ACER2: variants seen among roughly 807,000 people sequenced by gnomAD.
ACER2 encodes the protein alkaline ceramidase 2.
In ACER2, 26 loss-of-function variants were observed where a neutral mutation model predicts 34.7. The ratio of observed to expected loss-of-function variants is 0.75; its 90% CI spans 0.55 to 1.04. The LOEUF is 1.04. Ranked by LOEUF, ACER2 falls within the 50% of genes least tolerant of loss-of-function variation. ACER2 has a pLI of 0.00. For missense variants in ACER2, 352 were observed against 340.8 expected (o/e 1.03, Z -0.26); for synonymous variants, 138 against 132.1 (o/e 1.04, Z -0.31).
At chr9:19,415,906 A>G (rs1307499451) in intron 1 of ACER2, among the ~76,000 whole-genome samples, 1 of 152,130 alleles carries the variant, frequency 6.6e-6, no homozygotes, top group East Asian at 1.9e-4. Context: ...TCTAGGATGA[A>G]AAGGTTTGCA....
At chr9:19,435,535 A>G (rs1344700920) in intron 4 of ACER2, among the ~76,000 whole-genome samples, 11 of 152,344 alleles carry the variant, frequency 7.2e-5, no homozygotes, top group African/African-American at 2.6e-4. Context: ...TTTACAATCT[A>G]TTAGGTAAAG....
At chr9:19,443,637 G>A (rs1161943171) in intron 4 of ACER2, among the ~76,000 whole-genome samples, 1 of 152,148 alleles carries the variant, frequency 6.6e-6, no homozygotes. Flanking sequence ...GTTCCTCTGG[G>A]ATTCTAGGCT....
At chr9:19,417,523 A>T (rs1009309522) in intron 1 of ACER2, among the ~76,000 whole-genome samples, 1 of 152,258 alleles carries the variant, frequency 6.6e-6, no homozygotes, top group African/African-American at 2.4e-5. Context: ...ATAGATATAT[A>T]GACCAATGGA....
intron 3 of ACER2, 107 bp from the exon 4 acceptor site, chr9:19,434,840 C>A (rs1015393333): frequency 1.4e-6 from 2 of 1,436,632 alleles, no homozygotes; most frequent in Admixed American, 3.9e-5. Context: ...CGCAGAATTT[C>A]TTTTCAGCTT....
chr9:19,445,232 A>C (rs898212950), intron 4 of ACER2, among the ~76,000 whole-genome samples: 7 of 152,220 alleles, frequency 4.6e-5, no homozygotes, highest in African/African-American at 1.7e-4. Flanking sequence ...ACGGCAATTG[A>C]AATTTTCATT....
intron 4 of ACER2, among the ~76,000 whole-genome samples, chr9:19,437,394 G>A (rs972961491): frequency 6.6e-6 from 1 of 152,098 alleles, no homozygotes; most frequent in Non-Finnish European, 1.5e-5. Flanking sequence ...GCCACCTCAG[G>A]TGATTGCTGG....
rs1253232278 is a variant in ACER2, at chr9:19,442,957, C to T, written c.504-3324C>T. ...AAGCGATTCTCTTACCTCAGCCTCCCGAGTAGCTGGGACTACAGATGCATG... is the reference window on the plus strand; with the variant it reads ...AAGCGATTCTCTTACCTCAGCCTCCTGAGTAGCTGGGACTACAGATGCATG... On this transcript the variant is annotated intron_variant, in intron 4 of 5. Transcript: ENST00000340967. 5.3e-5 allele frequency among the ~76,000 whole-genome samples: 8 copies of T among 151,174 alleles called. No homozygotes were observed. In the East Asian group the frequency reaches 7.7e-4, roughly 15 times the overall value.
At chr9:19,443,813 C>G (rs1251853199) in intron 4 of ACER2, among the ~76,000 whole-genome samples, 1 of 152,122 alleles carries the variant, frequency 6.6e-6, no homozygotes, top group Admixed American at 6.5e-5. Context: ...TGTGCCACCA[C>G]CCCCGGCTAA....
chr9:19,424,831 C>A lies in ACER2; in HGVS notation c.355C>A (p.Arg119=). Residue 119 remains arginine, a synonymous_variant, in exon 3 of 6, where the codon CGG becomes AGG. Coordinates refer to ENST00000340967, the MANE Select transcript of ACER2 (RefSeq NM_001010887.3). ...FPRRYLPKIF[R]NDRGRFKVVV... Reference sequence around the variant, plus strand: ...CAGAAGGTATCTACCAAAGATCTTTCGGAATGACCGGTAAGCTTGCACTAA... The same window carrying A: ...CAGAAGGTATCTACCAAAGATCTTTAGGAATGACCGGTAAGCTTGCACTAA... 3 of 1,614,098 alleles carry A rather than the reference C, an allele frequency of 1.9e-6. No homozygotes were observed. The highest frequency in any genetic ancestry group is 2.5e-6 in the Non-Finnish European group (3 of 1,180,004).
chr9:19,422,639 G>C (rs536088919), intron 1 of ACER2, among the ~76,000 whole-genome samples: 22 of 152,156 alleles, frequency 1.4e-4, no homozygotes, highest in Admixed American at 3.9e-4. Flanking sequence ...CTTGGCTGGG[G>C]AGGATTATTG....
At chr9:19,431,964 C>T (rs1830767865) in intron 3 of ACER2, among the ~76,000 whole-genome samples, 1 of 152,198 alleles carries the variant, frequency 6.6e-6, no homozygotes, top group Admixed American at 6.5e-5. Flanking sequence ...ATAACAGAAA[C>T]TTCAGGAAAA....
intron 3 of ACER2, among the ~76,000 whole-genome samples, chr9:19,432,998 CGAA>C (rs1179214941): frequency 6.6e-6 from 1 of 151,754 alleles, no homozygotes; most frequent in Non-Finnish European, 1.5e-5. Context: ...AAAAATCGCA[CGAA>C]GAAAACAGCT....
intron 4 of ACER2, among the ~76,000 whole-genome samples, chr9:19,444,872 A>G (rs1466484746): frequency 1.3e-5 from 2 of 152,194 alleles, no homozygotes; most frequent in African/African-American, 2.4e-5. Context: ...AAACTTTTCA[A>G]GGGATGTATT....
chr9:19,414,587 A>G (rs1488755139), intron 1 of ACER2, among the ~76,000 whole-genome samples: 1 of 152,178 alleles, frequency 6.6e-6, no homozygotes, highest in Non-Finnish European at 1.5e-5. Flanking sequence ...TGAGGCTGGC[A>G]GATCACTTGA....
rs1356047417 is a variant in ACER2 at position 19,452,217 on chromosome 9, C to T, written c.*1581C>T. On this transcript the variant is annotated 3_prime_UTR_variant, in exon 6 of 6. Coordinates refer to ENST00000340967, the MANE Select transcript of ACER2 (RefSeq NM_001010887.3). ...GAGAGGGCAGGACAGGTGTGTTCTT[C>T]TGTGGGCAGGAGTCATGTCACTGTC... Among the ~76,000 whole-genome samples, 7 of 152,154 alleles carry T rather than the reference C, an allele frequency of 4.6e-5. No homozygotes were observed. The highest frequency in any genetic ancestry group is 7.3e-5 in the Non-Finnish European group (5 of 68,034).
At chr9:19,428,776 GTTTTTTTTTTTTTTTTT>G (rs10569579) in intron 3 of ACER2, among the ~76,000 whole-genome samples, 4 of 77,892 alleles carry the variant, frequency 5.1e-5, no homozygotes, top group East Asian at 3.7e-4. Context: ...GGACAAGTGG[GTTTTTTTTTTTTTTTTT>G]TTTTTTTTTT....
rs375059651 is a variant in ACER2 at position 19,424,727 on chromosome 9, C to G, written c.251C>G (p.Thr84Ser). The G allele has an allele frequency of 6.2e-7, 1 of 1,613,966 alleles. No homozygotes were observed. Among genetic ancestry groups the G allele is most frequent in the Non-Finnish European group, 8.5e-7 (1 of 1,180,018 alleles). ...VGIGSVYFHA[T>S]LSFLGQMLDE... ...ATTGGATCCGTCTACTTCCATGCAA[C>G]CCTTAGTTTCTTGGGTCAGATGCTT... The change falls in exon 3 of 6, where the codon ACC (threonine) becomes AGC (serine). Residue 84 changes from threonine to serine, a missense_variant. Physicochemically the swap from Thr to Ser is moderately conservative, Grantham distance 58 (BLOSUM62 1). Transcript: ENST00000340967.
chr9:19,423,567 G>C (rs1199336155), intron 1 of ACER2, among the ~76,000 whole-genome samples: 2 of 152,158 alleles, frequency 1.3e-5, no homozygotes, highest in African/African-American at 2.4e-5. Context: ...CAGGTATGGT[G>C]GTGGGTGCCT....
At chr9:19,430,839 TC>T (rs1830730977) in intron 3 of ACER2, among the ~76,000 whole-genome samples, 1 of 151,988 alleles carries the variant, frequency 6.6e-6, no homozygotes, top group Non-Finnish European at 1.5e-5. Flanking sequence ...GTGCCTGTAA[TC>T]CCAGCTACTC....
Sources: allele counts gnomAD v4.1 joint callset (sites outside exome capture counted in the v4.1 genomes callset), GRCh38; gene constraint gnomAD v4.1.1; transcripts MANE v1.5; gene names NCBI Gene and HGNC (gene_info 2026-07-23, HGNC 2026-07-21).